PAFAH1B2: variants seen among roughly 807,000 people sequenced by gnomAD.
The protein encoded by PAFAH1B2 is platelet-activating factor acetylhydrolase IB subunit alpha2.
In PAFAH1B2, 8 loss-of-function variants were observed where a neutral mutation model predicts 28.0. The ratio of observed to expected loss-of-function variants is 0.29; its 90% CI spans 0.17 to 0.52. The LOEUF (loss-of-function observed/expected upper bound fraction) is 0.52. Among genes scored for constraint, PAFAH1B2 ranks in the 20% least tolerant of loss-of-function variants. PAFAH1B2 has a pLI of 0.97. For synonymous variants in PAFAH1B2, 104 were observed against 103.2 expected, an observed-to-expected ratio of 1.01 and a Z score of -0.05; for missense variants, 190 against 282.6, an observed-to-expected ratio of 0.67 and a Z score of 2.35.
chr11:117,145,437 G>C (rs889606364), intron 1 of PAFAH1B2, among the ~76,000 whole-genome samples: 2 of 48,310 alleles, frequency 4.1e-5, no homozygotes, highest in Non-Finnish European at 9.9e-5. Context: ...ATTATGGGAA[G>C]GGGTTGGGCC....
chr11:117,172,684 C>T (rs898921257), downstream of PAFAH1B2, among the ~76,000 whole-genome samples: 16 of 152,144 alleles, frequency 1.1e-4, no homozygotes, highest in Non-Finnish European at 2.9e-5. Flanking sequence ...ATGCTCTTAC[C>T]CCTTTGCTGG....
Position 117,148,204 on chromosome 11 carries a change from A to G in PAFAH1B2, c.-8+3786A>G, listed in dbSNP as rs67756829. On this transcript the variant is annotated intron_variant, in intron 1 of 5. Coordinates refer to ENST00000527958, the MANE Select transcript of PAFAH1B2 (RefSeq NM_002572.4). ...GTAGCTGGGATTACAAGTATGTGCC[A>G]CCCAACCTGGCTAATCTTTTGTATT... Among the ~76,000 whole-genome samples, 723 of 151,854 alleles carry G rather than the reference A, an allele frequency of 4.8e-3. 15 individuals are homozygous for G. In the East Asian group the frequency reaches 0.049, roughly 10 times the overall value.
At chr11:117,173,135 C>G (rs770994968), downstream of PAFAH1B2, among the ~76,000 whole-genome samples, 3 of 152,218 alleles carry the variant, frequency 2.0e-5, no homozygotes, top group Admixed American at 2.0e-4. Context: ...TTTCTGCAAC[C>G]TGATGACCAG....
chr11:117,167,534 C>T lies in PAFAH1B2; in HGVS notation c.525C>T (p.Thr175=), dbSNP rs374387074. The T allele has an allele frequency of 8.8e-5, 142 of 1,613,056 alleles. No individual in the cohort carries two copies. The highest frequency in any genetic ancestry group is 1.1e-4 in the African/African-American group (8 of 74,914). ...TTGCCAACGTGCAGCTCCTGGATAC[C>T]GACGGGGGTTTTGTGCACTCGGACG... is the stretch of plus-strand genomic sequence containing the variant. ...PKLANVQLLD[T]DGGFVHSDGA... Residue 175 remains threonine (T), a synonymous_variant, in exon 6 of 6, where the codon ACC becomes ACT. Transcript: ENST00000527958.
chr11:117,170,108 C>A lies in PAFAH1B2; in HGVS notation c.*2409C>A, dbSNP rs1055504579. On this transcript the variant is annotated 3_prime_UTR_variant, in exon 6 of 6. Transcript: ENST00000527958. ...TTCACTTTCATTTTTTGCCAGATTT[C>A]TTTGCACTACTTTAGGTAAAAATAG... 5.7e-6 allele frequency: 6 copies of A among 1,055,024 alleles called. No individual in the cohort carries two copies. Among genetic ancestry groups the A allele is most frequent in the Non-Finnish European group, 6.9e-6 (6 of 873,014 alleles). 65.4% of individuals were successfully genotyped at this position (1,055,024 alleles called of 1,614,324 possible). A position where few individuals can be genotyped will look rare whatever the true frequency, so the allele number is the denominator to read the frequency against.
chr11:117,149,432 T>TTTTTTTTTTGTTTTTTTG (rs1321023457), intron 1 of PAFAH1B2, among the ~76,000 whole-genome samples: 8 of 108,670 alleles, frequency 7.4e-5, no homozygotes, highest in African/African-American at 2.7e-4. Context: ...TTCTAATCGT[T>TTTTTTTTTTGTTTTTTTG]TTTTTTTTTT....
intron 2 of PAFAH1B2, among the ~76,000 whole-genome samples, chr11:117,157,183 A>C (rs1240688181): frequency 6.6e-6 from 1 of 152,124 alleles, no homozygotes; most frequent in Non-Finnish European, 1.5e-5. Flanking sequence ...AGTAATTTTT[A>C]AAATACGTGT....
chr11:117,168,711 C>G lies in PAFAH1B2; in HGVS notation c.*1012C>G. The G allele has an allele frequency of 5.7e-6, 6 of 1,057,886 alleles. No homozygotes were observed. The highest frequency in any genetic ancestry group is 6.9e-6 in the Non-Finnish European group (6 of 873,734). 65.5% of individuals were successfully genotyped at this position (1,057,886 alleles called of 1,614,324 possible). A position where few individuals can be genotyped will look rare whatever the true frequency, so the allele number is the denominator to read the frequency against. ...TGGGGGGATTCAGAACTCTTGTTTC[C>G]CATTCCATAGCACCTGACATTATTT... is the stretch of plus-strand genomic sequence containing the variant. On this transcript the variant is annotated 3_prime_UTR_variant, in exon 6 of 6. Transcript: ENST00000527958.
In PAFAH1B2 at chr11:117,144,351, A is replaced by G; in HGVS notation, c.-75A>G. The stretch of plus-strand genomic sequence containing the variant: ...CGCCGGAGCGGGACCGACGGGACCG[A>G]GCGAGCGACCGACGCGCCACCCGCC... On this transcript the variant is annotated 5_prime_UTR_variant, in exon 1 of 6. Transcript: ENST00000527958. 1 of 422,114 alleles carries G rather than the reference A, an allele frequency of 2.4e-6. No homozygotes were observed. 26.1% of individuals were successfully genotyped at this position (422,114 alleles called of 1,614,324 possible). A position where few individuals can be genotyped will look rare whatever the true frequency, so the allele number is the denominator to read the frequency against.
intron 2 of PAFAH1B2, among the ~76,000 whole-genome samples, chr11:117,155,379 T>C (rs540105657): frequency 1.3e-5 from 2 of 152,286 alleles, no homozygotes; most frequent in Admixed American, 1.3e-4. Context: ...GCAGTAAATA[T>C]TATAGATGAA....
At chr11:117,151,848 A>G (rs1306633749) in intron 1 of PAFAH1B2, among the ~76,000 whole-genome samples, 1 of 152,014 alleles carries the variant, frequency 6.6e-6, no homozygotes, top group Non-Finnish European at 1.5e-5. Context: ...CTGGGACTAC[A>G]GGCGCCCGCC....
At chr11:117,174,843 G>C (rs1003672063), downstream of PAFAH1B2, 7 of 1,237,496 alleles carry the variant, frequency 5.7e-6, no homozygotes, top group African/African-American at 3.1e-5. Context: ...TCAAACTCCT[G>C]ACTTCAGATG....
Position 117,167,752 on chromosome 11 carries a change from A to G in PAFAH1B2, c.*53A>G. 2.1e-6 allele frequency: 3 copies of G among 1,438,826 alleles called. No individual in the cohort carries two copies. The highest frequency in any genetic ancestry group is 2.4e-5 in the East Asian group (1 of 41,170). 89.1% of individuals were successfully genotyped at this position (1,438,826 alleles called of 1,614,324 possible). ...TCAGCTTCCTCAGATCAGTTCTATC[A>G]CTGGCACTACAGAATCCTTCTCTTT... is the stretch of plus-strand genomic sequence containing the variant. On this transcript the variant is annotated 3_prime_UTR_variant, in exon 6 of 6. Coordinates refer to ENST00000527958, the MANE Select transcript of PAFAH1B2 (RefSeq NM_002572.4).
exon 6 of PAFAH1B2, chr11:117,176,147 C>T (rs910456545): frequency 8.7e-6 from 5 of 575,520 alleles, no homozygotes; most frequent in South Asian, 6.5e-5. Flanking sequence ...TTTTTCTGAG[C>T]GTCACTTTCC....
Position 117,169,603 on chromosome 11 carries a change from T to A in PAFAH1B2, c.*1904T>A. 9.5e-7 allele frequency: 1 copy of A among 1,052,174 alleles called. No individual in the cohort carries two copies. The highest frequency in any genetic ancestry group is 1.1e-6 in the Non-Finnish European group (1 of 870,340). The allele number at this position is 1,052,174 out of a possible 1,614,324, so 65.2% of individuals were successfully genotyped here. The stretch of plus-strand genomic sequence containing the variant: ...GAAAATTTTTTGGTTTTGTTCTTTT[T>A]AAAAAATACATACTTTTTTGAATGT... On this transcript the variant is annotated 3_prime_UTR_variant, in exon 6 of 6. Transcript: ENST00000527958.
chr11:117,164,958 CTTTTTT>C (rs368887694), intron 5 of PAFAH1B2, among the ~76,000 whole-genome samples: 2 of 132,236 alleles, frequency 1.5e-5, no homozygotes, highest in East Asian at 2.3e-4. Context: ...TTTCTTTTTT[CTTTTTT>C]TTTTTTTTTG....
chr11:117,169,457 T>C lies in PAFAH1B2; in HGVS notation c.*1758T>C. 2.9e-6 allele frequency: 3 copies of C among 1,045,348 alleles called. No individual in the cohort carries two copies. The highest frequency in any genetic ancestry group is 9.2e-5 in the South Asian group (2 of 21,654). 64.8% of individuals were successfully genotyped at this position (1,045,348 alleles called of 1,614,324 possible). A position where few individuals can be genotyped will look rare whatever the true frequency, so the allele number is the denominator to read the frequency against. ...TTAATGTTTAAATTCAGTAACGTAC[T>C]TGAAAGGCAAATTTCAGTGCTTTTG... On this transcript the variant is annotated 3_prime_UTR_variant, in exon 6 of 6. Transcript: ENST00000527958.
In PAFAH1B2 at chr11:117,169,909, C is replaced by T; in HGVS notation, c.*2210C>T. ...TGCAGCATGCGCTTTTAGCTTCTCT[C>T]TTGACTGAGGATCAAATATCCCTTT... On this transcript the variant is annotated 3_prime_UTR_variant, in exon 6 of 6. Transcript: ENST00000527958. 3 of 1,053,998 alleles carry T rather than the reference C, an allele frequency of 2.8e-6. No individual in the cohort carries two copies. Among genetic ancestry groups the T allele is most frequent in the South Asian group, 4.6e-5 (1 of 21,890 alleles). The allele number at this position is 1,053,998 out of a possible 1,614,324, so 65.3% of individuals were successfully genotyped here. A position where few individuals can be genotyped will look rare whatever the true frequency, so the allele number is the denominator to read the frequency against.
chr11:117,152,541 G>A lies in PAFAH1B2; in HGVS notation c.81+13G>A, dbSNP rs752113968. ...ATGGATGTCTCAGGTAAAAGGAAGT[G>A]CATGTGTATCATTCACATGAGTTGA... On this transcript the variant is annotated intron_variant, in intron 2 of 5. Transcript: ENST00000527958. 3 of 1,567,500 alleles carry A rather than the reference G, an allele frequency of 1.9e-6. No homozygotes were observed. The South Asian group carries it at 3.3e-5, about 17-fold the overall frequency.
Sources: gnomAD v4.1 joint callset for allele counts (sites outside exome capture counted in the v4.1 genomes callset) on GRCh38, gnomAD v4.1.1 for gene constraint, MANE v1.5 for transcripts, NCBI Gene and HGNC (gene_info 2026-07-23, HGNC 2026-07-21) for gene names.